EML6: variants seen among roughly 807,000 people sequenced by gnomAD.
The protein encoded by EML6 is echinoderm microtubule-associated protein-like 6.
EML6 carries 154 observed loss-of-function variants against 240.1 expected under a neutral mutation model. The observed-to-expected ratio is 0.64, with a 90% CI of 0.56 to 0.73. The LOEUF is 0.73. Ranked by LOEUF, EML6 falls within the 30% of genes least tolerant of loss-of-function variation. The probability of loss-of-function intolerance (pLI) is 0.00; values close to 1 mark genes in which losing one functional copy is unlikely to be tolerated. For missense variants in EML6, 2,964 were observed against 2,474.6 expected, an observed-to-expected ratio of 1.20 and a Z score of -4.20; for synonymous variants, 1,148 against 899.0, an observed-to-expected ratio of 1.28 and a Z score of -4.95.
chr2:54,730,630 T>C (rs761757451), intron 2 of EML6, among the ~76,000 whole-genome samples: 2 of 152,172 alleles, frequency 1.3e-5, no homozygotes, highest in African/African-American at 4.8e-5. Flanking sequence ...CTACTGCTCA[T>C]TGGATCCCAC....
Position 54,909,662 on chromosome 2 carries a change from A to G in EML6, c.3410-1292A>G, listed in dbSNP as rs529816925. 2.2e-4 allele frequency among the ~76,000 whole-genome samples: 33 copies of G among 152,246 alleles called. No homozygotes were observed. The East Asian group carries it at 6.2e-3, about 29-fold the overall frequency. On this transcript the variant is annotated intron_variant, in intron 24 of 41. Transcript: ENST00000356458. ...GGAGTTCAAGACCACCCTGGCCAACATGATGACTCTCTGTCTCTACTAAAA... is the reference window on the plus strand; with the variant it reads ...GGAGTTCAAGACCACCCTGGCCAACGTGATGACTCTCTGTCTCTACTAAAA...
intron 17 of EML6, among the ~76,000 whole-genome samples, chr2:54,887,808 A>T (rs1251800161): frequency 6.6e-6 from 1 of 152,148 alleles, no homozygotes; most frequent in Admixed American, 6.5e-5. Flanking sequence ...CAGAAAGTAG[A>T]GAGAGTTCCC....
intron 16 of EML6, among the ~76,000 whole-genome samples, chr2:54,872,345 T>G (rs1218719627): frequency 6.6e-6 from 1 of 152,170 alleles, no homozygotes; most frequent in Non-Finnish European, 1.5e-5. Context: ...GATTTTATAA[T>G]TTTTTTCTAA....
intron 28 of EML6, 127 bp from the exon 29 acceptor site, chr2:54,948,755 C>G (rs1031366390): frequency 1.4e-6 from 1 of 694,550 alleles, no homozygotes; most frequent in Non-Finnish European, 2.5e-6. Flanking sequence ...TGAACAGATC[C>G]AAGTGGAGGG....
chr2:54,739,477 G>T (rs1187980074), intron 2 of EML6, among the ~76,000 whole-genome samples: 1 of 152,198 alleles, frequency 6.6e-6, no homozygotes, highest in Non-Finnish European at 1.5e-5. Flanking sequence ...CTATAAAAGG[G>T]TACATGGACC....
intron 16 of EML6, among the ~76,000 whole-genome samples, chr2:54,878,275 A>G (rs989406613): frequency 6.6e-6 from 1 of 152,202 alleles, no homozygotes; most frequent in Admixed American, 6.5e-5. Flanking sequence ...GTGGACTGGC[A>G]GAACTGGAAG....
chr2:54,909,525 A>G (rs923183632), intron 24 of EML6, among the ~76,000 whole-genome samples: 3 of 152,184 alleles, frequency 2.0e-5, no homozygotes, highest in African/African-American at 7.2e-5. Flanking sequence ...TTAGTCAGGT[A>G]GAAGTAGATC....
At chr2:54,881,915 T>A (rs1489029233) in intron 17 of EML6, 1 of 152,258 alleles carries the variant, frequency 6.6e-6, no homozygotes, top group African/African-American at 2.4e-5. Context: ...GTACCACTCA[T>A]CGCCCAGGAA....
chr2:54,883,808 G>T (rs1671972046), intron 17 of EML6, among the ~76,000 whole-genome samples: 1 of 152,186 alleles, frequency 6.6e-6, no homozygotes, highest in South Asian at 2.1e-4. Flanking sequence ...TGACAGGTAT[G>T]CAGTGTGTTC....
chr2:54,796,383 C>T (rs1669773238), intron 2 of EML6, among the ~76,000 whole-genome samples: 1 of 152,096 alleles, frequency 6.6e-6, no homozygotes, highest in Admixed American at 6.5e-5. Flanking sequence ...GAATCCATTT[C>T]TTAAAGGGAA....
intron 14 of EML6, chr2:54,867,124 A>G (rs573879519): frequency 2.1e-4 from 69 of 329,688 alleles, no homozygotes; most frequent in African/African-American, 1.4e-3. Context: ...CTCAGACTTC[A>G]TATAATTCCA....
intron 2 of EML6, among the ~76,000 whole-genome samples, chr2:54,794,482 G>C (rs1388705417): frequency 1.3e-5 from 2 of 152,180 alleles, no homozygotes; most frequent in East Asian, 3.8e-4. Context: ...TGAGGGAGTA[G>C]GGACAGGACG....
chr2:54,926,240 T>A (rs1030838534), intron 26 of EML6, among the ~76,000 whole-genome samples: 1 of 152,212 alleles, frequency 6.6e-6, no homozygotes, highest in African/African-American at 2.4e-5. Flanking sequence ...TAGCTTGGAT[T>A]ACAGGCATCC....
chr2:54,803,489 C>G (rs988104602), intron 2 of EML6, among the ~76,000 whole-genome samples: 2 of 152,066 alleles, frequency 1.3e-5, no homozygotes, highest in East Asian at 3.9e-4. Context: ...GCTCCAAGCC[C>G]CTTTTGTTTG....
chr2:54,892,481 C>A lies in EML6; in HGVS notation c.2567C>A (p.Thr856Asn). ...AGGGFTSKRG[T>N]FGSVGKLETM... ...GGGGGCTTCACTTCTAAAAGAGGAA[C>A]TTTTGGAAGCGTTGGAAAATTGGAA... Residue 856 changes from threonine (T) to asparagine (N), a missense_variant, in exon 19 of 42, where the codon ACT becomes AAT. Transcript: ENST00000356458. 5 of 1,551,294 alleles carry A rather than the reference C, an allele frequency of 3.2e-6. No individual in the cohort carries two copies. Among genetic ancestry groups the A allele is most frequent in the Non-Finnish European group, 3.5e-6 (4 of 1,146,718 alleles).
At chr2:54,869,978 C>G (rs75829442) in intron 15 of EML6, among the ~76,000 whole-genome samples, 2 of 152,108 alleles carry the variant, frequency 1.3e-5, no homozygotes, top group Non-Finnish European at 2.9e-5. Context: ...GATGTATTAC[C>G]TTGCTGGCAA....
intron 7 of EML6, among the ~76,000 whole-genome samples, chr2:54,838,078 C>T (rs1669245985): frequency 6.6e-6 from 1 of 152,130 alleles, no homozygotes; most frequent in South Asian, 2.1e-4. Context: ...GTTTGCAGTG[C>T]CAGCAGATCA....
intron 35 of EML6, among the ~76,000 whole-genome samples, chr2:54,961,377 G>T (rs527634281): frequency 3.3e-5 from 5 of 150,886 alleles, no homozygotes; most frequent in African/African-American, 4.9e-5. Context: ...GTAGAGATGG[G>T]GTTTTCCCAT....
rs1339003538 is a variant in EML6, at chr2:54,796,760, T to A, written c.198-16472T>A. 3.3e-5 allele frequency among the ~76,000 whole-genome samples: 5 copies of A among 152,152 alleles called. No individual in the cohort carries two copies. The East Asian group carries it at 7.7e-4, about 24-fold the overall frequency. ...TTGGGAGAAAATGTTGTGTTTCTTG[T>A]GGTAACATAAGTGAATGCATAGAAC... On this transcript the variant is annotated intron_variant, in intron 2 of 41. Transcript: ENST00000356458.
Sources: gnomAD v4.1 joint callset for allele counts (sites outside exome capture counted in the v4.1 genomes callset) on GRCh38, gnomAD v4.1.1 for gene constraint, MANE v1.5 for transcripts, NCBI Gene and HGNC (gene_info 2026-07-23, HGNC 2026-07-21) for gene names.